CHN1: variants seen among roughly 807,000 people sequenced by gnomAD.
CHN1 encodes the protein N-chimaerin.
A neutral mutation model predicts 59.5 loss-of-function variants in CHN1; 37 were observed. The observed-to-expected ratio is 0.62, with a 90% CI of 0.48 to 0.82. CHN1 has a LOEUF of 0.82. Ranked by LOEUF, CHN1 falls within the 40% of genes least tolerant of loss-of-function variation. CHN1 has a pLI of 0.00. For synonymous variants in CHN1, 206 were observed against 200.4 expected, an observed-to-expected ratio of 1.03 and a Z score of -0.24; for missense variants, 469 against 571.0, an observed-to-expected ratio of 0.82 and a Z score of 1.82.
At chr2:174,953,046 G>A (rs1446961272) in intron 1 of CHN1, among the ~76,000 whole-genome samples, 6 of 152,042 alleles carry the variant, frequency 3.9e-5, no homozygotes, top group South Asian at 2.1e-4. Flanking sequence ...ATATAGCCAC[G>A]ACTGCAGAAA....
chr2:174,833,138 G>C (rs890223548), intron 7 of CHN1, among the ~76,000 whole-genome samples: 1 of 151,892 alleles, frequency 6.6e-6, no homozygotes, highest in Admixed American at 6.6e-5. Flanking sequence ...ATATCAGTTA[G>C]GTCAAATTGG....
intron 6 of CHN1, among the ~76,000 whole-genome samples, chr2:174,875,375 C>T (rs1687536218): frequency 6.6e-6 from 1 of 152,024 alleles, no homozygotes. Flanking sequence ...AAAAGCAGAC[C>T]TCACTTCTCA....
intron 7 of CHN1, among the ~76,000 whole-genome samples, chr2:174,839,084 T>G (rs1379637038): frequency 1.3e-5 from 2 of 152,134 alleles, no homozygotes; most frequent in African/African-American, 4.8e-5. Flanking sequence ...AAAATTATAT[T>G]TACTGTGTAC....
chr2:174,875,144 G>A (rs1298682685), intron 6 of CHN1, among the ~76,000 whole-genome samples: 1 of 151,818 alleles, frequency 6.6e-6, no homozygotes, highest in African/African-American at 2.4e-5. Context: ...CAATGTGCTG[G>A]GATTACAGGC....
intron 7 of CHN1, among the ~76,000 whole-genome samples, chr2:174,825,645 A>G (rs1003957278): frequency 8.5e-5 from 13 of 152,216 alleles, no homozygotes; most frequent in African/African-American, 3.1e-4. Context: ...AAAAATAATA[A>G]AAATTTCAAT....
intron 5 of CHN1, among the ~76,000 whole-genome samples, chr2:174,898,680 A>G (rs1445354004): frequency 8.5e-5 from 13 of 152,200 alleles, no homozygotes; most frequent in Admixed American, 8.5e-4. Context: ...TCCCTACTGC[A>G]AAGATAGAAT....
At chr2:174,949,774 T>A (rs1369791033) in intron 2 of CHN1, among the ~76,000 whole-genome samples, 1 of 152,228 alleles carries the variant, frequency 6.6e-6, no homozygotes, top group African/African-American at 2.4e-5. Flanking sequence ...TCCACTTGCT[T>A]TTAACATAGT....
intron 5 of CHN1, among the ~76,000 whole-genome samples, chr2:174,881,208 A>G (rs1311728592): frequency 1.3e-5 from 2 of 152,184 alleles, no homozygotes; most frequent in South Asian, 2.1e-4. Context: ...ACTGCCTAGT[A>G]AAACAGAGCA....
intron 6 of CHN1, among the ~76,000 whole-genome samples, chr2:174,854,045 T>C (rs899749370): frequency 6.6e-6 from 1 of 152,124 alleles, no homozygotes; most frequent in Admixed American, 6.6e-5. Context: ...ACGCCCTGTA[T>C]CCACAATTAA....
chr2:174,882,560 T>C (rs1687769708), intron 5 of CHN1, among the ~76,000 whole-genome samples: 1 of 152,208 alleles, frequency 6.6e-6, no homozygotes, highest in African/African-American at 2.4e-5. Context: ...CCAAAGTGAT[T>C]TGAAAGGATC....
At chr2:174,801,682 G>T in intron 12 of CHN1, 25 bp downstream of exon 12, 1 of 1,553,442 alleles carries the variant, frequency 6.4e-7, no homozygotes, top group Non-Finnish European at 8.9e-7. Context: ...CAATACAAGT[G>T]TAAGACTCAA....
At chr2:174,917,302 C>T (rs1482461011) in intron 4 of CHN1, among the ~76,000 whole-genome samples, 1 of 151,878 alleles carries the variant, frequency 6.6e-6, no homozygotes, top group Non-Finnish European at 1.5e-5. Flanking sequence ...GGCATAGTGG[C>T]GGGCACCTGT....
At chr2:174,972,093 G>A (rs891847837) in intron 1 of CHN1, among the ~76,000 whole-genome samples, 7 of 152,148 alleles carry the variant, frequency 4.6e-5, no homozygotes, top group African/African-American at 1.7e-4. Flanking sequence ...CAGCTTCCAG[G>A]ACAACAAGCT....
intron 1 of CHN1, among the ~76,000 whole-genome samples, chr2:175,000,475 G>A (rs1017863284): frequency 1.3e-5 from 2 of 151,030 alleles, no homozygotes; most frequent in African/African-American, 2.4e-5. Context: ...ACAAAATCTC[G>A]CTCTGTCTCC....
chr2:174,988,427 G>C (rs182709407), intron 1 of CHN1, among the ~76,000 whole-genome samples: 1 of 151,486 alleles, frequency 6.6e-6, no homozygotes, highest in Non-Finnish European at 1.5e-5. Flanking sequence ...CTAAGTTGGC[G>C]TAAGATTTGA....
Position 174,846,962 on chromosome 2 carries a change from G to A in CHN1, c.550-5C>T, listed in dbSNP as rs760529847. The A allele has an allele frequency of 2.4e-5, 38 of 1,553,520 alleles. No homozygotes were observed. The highest frequency in any genetic ancestry group is 8.2e-5 in the African/African-American group (6 of 73,304). ...TCTTCTAACAAGTGATGTCAACTGC[G>A]AATAAGCAAAGAGTTTCAGAGGTTG... On this transcript the variant is annotated splice_region_variant and splice_polypyrimidine_tract_variant and intron_variant, in intron 6 of 12. Coordinates refer to ENST00000409900, the MANE Select transcript of CHN1 (RefSeq NM_001822.7).
intron 7 of CHN1, among the ~76,000 whole-genome samples, chr2:174,830,965 A>G (rs1166501829): frequency 6.6e-6 from 1 of 152,244 alleles, no homozygotes; most frequent in African/African-American, 2.4e-5. Flanking sequence ...GAGAAATACC[A>G]TAAAAGCCTA....
intron 5 of CHN1, among the ~76,000 whole-genome samples, chr2:174,899,032 T>C (rs1688305429): frequency 6.6e-6 from 1 of 152,162 alleles, no homozygotes; most frequent in Non-Finnish European, 1.5e-5. Flanking sequence ...GTCACAGAGC[T>C]TTAAAACTCC....
chr2:174,961,658 CTT>C (rs900221330), intron 1 of CHN1, among the ~76,000 whole-genome samples: 5 of 151,674 alleles, frequency 3.3e-5, no homozygotes, highest in Non-Finnish European at 5.9e-5. Flanking sequence ...CCTATTATAT[CTT>C]AACATTTTTA....
Sources: allele counts gnomAD v4.1 joint callset (sites outside exome capture counted in the v4.1 genomes callset), GRCh38; gene constraint gnomAD v4.1.1; transcripts MANE v1.5; gene names NCBI Gene and HGNC (gene_info 2026-07-23, HGNC 2026-07-21).